Variants in SLC23A2 observed in about 807,000 individuals in gnomAD.
The protein encoded by SLC23A2 is Na(+)/L-ascorbic acid transporter 2.
In SLC23A2, 36 loss-of-function variants were observed where a neutral mutation model predicts 73.3. The ratio of observed to expected loss-of-function variants is 0.49; its 90% CI spans 0.38 to 0.65. SLC23A2 has a LOEUF of 0.65. Among genes scored for constraint, SLC23A2 ranks in the 30% least tolerant of loss-of-function variants. The pLI is 0.00. For missense variants in SLC23A2, 507 were observed against 841.6 expected, an observed-to-expected ratio of 0.60 and a Z score of 4.92; for synonymous variants, 343 against 327.3, an observed-to-expected ratio of 1.05 and a Z score of -0.52.
chr20:4,878,729 A>G (rs903710109), intron 9 of SLC23A2, among the ~76,000 whole-genome samples: 2 of 152,208 alleles, frequency 1.3e-5, no homozygotes, highest in African/African-American at 4.8e-5. Context: ...TTTTTCCTAC[A>G]TAATTTGTCC....
chr20:4,941,436 G>T (rs1194516279), intron 2 of SLC23A2, among the ~76,000 whole-genome samples: 1 of 151,970 alleles, frequency 6.6e-6, no homozygotes, highest in African/African-American at 2.4e-5. Context: ...AAAGTTGTCG[G>T]CTGGGCCTGT....
chr20:4,981,528 T>C (rs1027017728), intron 1 of SLC23A2, among the ~76,000 whole-genome samples: 2 of 152,100 alleles, frequency 1.3e-5, no homozygotes, highest in Non-Finnish European at 2.9e-5. Context: ...GCATCCGTAG[T>C]TTTTTAAAGT....
intron 2 of SLC23A2, among the ~76,000 whole-genome samples, chr20:4,946,500 G>A (rs2087121194): frequency 1.3e-5 from 2 of 152,188 alleles, no homozygotes; most frequent in Admixed American, 1.3e-4. Context: ...CTAACTGACA[G>A]CAAATAGTTT....
chr20:4,968,990 GGATTACAGGTGT>G (rs1291871210), intron 2 of SLC23A2, among the ~76,000 whole-genome samples: 2 of 152,018 alleles, frequency 1.3e-5, no homozygotes, highest in Non-Finnish European at 2.9e-5. Context: ...CAAAGTGCTG[GGATTACAGGTGT>G]GAGCCACTGT....
At chr20:4,956,002 TAGTA>T (rs1182954066) in intron 2 of SLC23A2, among the ~76,000 whole-genome samples, 1 of 152,104 alleles carries the variant, frequency 6.6e-6, no homozygotes, top group Non-Finnish European at 1.5e-5. Flanking sequence ...GCTCAATTCT[TAGTA>T]TGTATGTATG....
chr20:4,874,847 A>G (rs72552224), intron 9 of SLC23A2, 151 bp from the exon 10 acceptor site: 7 of 575,014 alleles, frequency 1.2e-5, no homozygotes, highest in Admixed American at 1.0e-4. Context: ...GAGAAATAGT[A>G]TATCTATTGG....
Position 4,869,924 on chromosome 20 carries a change from G to A in SLC23A2, c.1232C>T (p.Pro411Leu). The change falls in exon 12 of 17, where the codon CCC (proline) becomes CTC (leucine). Residue 411 changes from proline to leucine, a missense_variant. This residue lies in a region of SLC23A2 where 27 missense variants were observed against 18.2 expected (regional missense o/e 1.48). Transcript: ENST00000338244. ...AACGTACCTGTTTATTGCGTGGATG[G>A]GGGGGGGTGGGGCACAGGACAGCCG... is the stretch of plus-strand genomic sequence containing the variant. Reference protein sequence around the residue: ...CARLSCAPPPPIHAINRGIFV... With the variant: ...CARLSCAPPPLIHAINRGIFV... 6.2e-7 allele frequency: 1 copy of A among 1,600,322 alleles called. No homozygotes were observed. The highest frequency in any genetic ancestry group is 8.6e-7 in the Non-Finnish European group (1 of 1,168,120).
chr20:4,886,174 G>A (rs1055171361), intron 6 of SLC23A2, among the ~76,000 whole-genome samples: 15 of 152,156 alleles, frequency 9.9e-5, no homozygotes, highest in African/African-American at 3.1e-4. Context: ...CCCCAACACC[G>A]GCCCCTGCCA....
intron 16 of SLC23A2, among the ~76,000 whole-genome samples, chr20:4,858,312 C>CT (rs1005542573): frequency 1.3e-5 from 2 of 152,068 alleles, no homozygotes; most frequent in Non-Finnish European, 2.9e-5. Context: ...AAGCTCATGA[C>CT]TTTTTTTTAT....
rs574423416 is a variant in SLC23A2, at chr20:4,956,460, ACTT to A, written c.-155+14330_-155+14332del. ...AAACCTAAATGTAAGATTTTTAAAA[ACTT>A]CTTCTGGAAAATTTCAAACATACAG... On this transcript the variant is annotated intron_variant, in intron 2 of 16. Coordinates refer to ENST00000338244, the MANE Select transcript of SLC23A2 (RefSeq NM_005116.6). Among the ~76,000 whole-genome samples, 24 of 152,344 alleles carry A rather than the reference ACTT, an allele frequency of 1.6e-4. No homozygotes were observed. The South Asian group carries it at 1.9e-3, about 12-fold the overall frequency.
At chr20:4,914,186 G>T (rs1308032753) in intron 3 of SLC23A2, among the ~76,000 whole-genome samples, 2 of 151,564 alleles carry the variant, frequency 1.3e-5, no homozygotes, top group South Asian at 2.1e-4. Flanking sequence ...TATAAAAAGG[G>T]TCAGTATCAA....
chr20:4,866,411 C>G (rs746662163), intron 13 of SLC23A2, among the ~76,000 whole-genome samples: 2 of 152,210 alleles, frequency 1.3e-5, no homozygotes, highest in Non-Finnish European at 2.9e-5. Context: ...AGCAAACTGG[C>G]TGAAGAGTGG....
intron 11 of SLC23A2, among the ~76,000 whole-genome samples, chr20:4,871,298 C>G (rs1361962877): frequency 6.6e-6 from 1 of 152,126 alleles, no homozygotes; most frequent in South Asian, 2.1e-4. Flanking sequence ...GCAAGCTGAG[C>G]TGGGTCACAA....
chr20:4,930,932 T>C (rs901564213), intron 3 of SLC23A2, among the ~76,000 whole-genome samples: 3 of 150,890 alleles, frequency 2.0e-5, no homozygotes, highest in Non-Finnish European at 4.4e-5. Context: ...CCATTATGAT[T>C]GTACGACTGC....
At chr20:4,955,687 G>A (rs2122159773) in intron 2 of SLC23A2, among the ~76,000 whole-genome samples, 1 of 152,250 alleles carries the variant, frequency 6.6e-6, no homozygotes, top group African/African-American at 2.4e-5. Context: ...CTACTTGAAG[G>A]GTTGAGGTGG....
intron 5 of SLC23A2, among the ~76,000 whole-genome samples, chr20:4,901,308 G>A (rs1931736789): frequency 6.6e-6 from 1 of 152,058 alleles, no homozygotes; most frequent in Admixed American, 6.6e-5. Context: ...CCACCCCAGG[G>A]TGAATCAACC....
intron 2 of SLC23A2, among the ~76,000 whole-genome samples, chr20:4,933,501 C>T (rs1385211749): frequency 3.3e-5 from 5 of 151,664 alleles, no homozygotes; most frequent in Non-Finnish European, 4.4e-5. Context: ...TGGTGGTGCA[C>T]GCCTGTAATC....
chr20:4,953,042 T>A (rs2087227527), intron 2 of SLC23A2, among the ~76,000 whole-genome samples: 1 of 150,536 alleles, frequency 6.6e-6, no homozygotes, highest in Non-Finnish European at 1.5e-5. Flanking sequence ...GCGCGGTGAC[T>A]CATGCCTGTA....
rs1183059397 is a variant in SLC23A2, at chr20:4,962,181, C to T, written c.-155+8612G>A. Reference sequence around the variant, plus strand: ...AATCAAAGTCCAGCTGAGCCCAGAACTCATAATATGAAATAGAGAAAGTCA... The same window carrying T: ...AATCAAAGTCCAGCTGAGCCCAGAATTCATAATATGAAATAGAGAAAGTCA... On this transcript the variant is annotated intron_variant, in intron 2 of 16. Coordinates refer to ENST00000338244, the MANE Select transcript of SLC23A2 (RefSeq NM_005116.6). Among the ~76,000 whole-genome samples the T allele has an allele frequency of 4.6e-5, 7 of 151,540 alleles. No homozygotes were observed. The East Asian group carries it at 5.8e-4, about 13-fold the overall frequency.
Sources: allele counts gnomAD v4.1 joint callset (sites outside exome capture counted in the v4.1 genomes callset), GRCh38; gene constraint gnomAD v4.1.1; regional missense constraint gnomAD v4.1.1; transcripts MANE v1.5; gene names NCBI Gene and HGNC (gene_info 2026-07-23, HGNC 2026-07-21).